Variants in GALNT10 observed in about 807,000 individuals in gnomAD.
The protein encoded by GALNT10 is GalNAc transferase 10.
Under a neutral mutation model 75.0 loss-of-function variants are expected in GALNT10, and 41 were observed. The observed-to-expected ratio is 0.55, with a 90% CI of 0.43 to 0.71. The LOEUF (loss-of-function observed/expected upper bound fraction) is 0.71. Among genes scored for constraint, GALNT10 ranks in the 30% least tolerant of loss-of-function variants. The pLI is 0.00. For missense variants in GALNT10, 727 were observed against 818.5 expected (o/e 0.89, Z 1.36); for synonymous variants, 302 against 313.0 (o/e 0.96, Z 0.37).
At chr5:154,350,555 A>AT (rs1337000857) in intron 4 of GALNT10, among the ~76,000 whole-genome samples, 4 of 152,232 alleles carry the variant, frequency 2.6e-5, no homozygotes, top group African/African-American at 9.6e-5. Context: ...GCTGCTTATC[A>AT]TACAAAAACC....
At chr5:154,265,735 G>C (rs1753766175) in intron 1 of GALNT10, among the ~76,000 whole-genome samples, 1 of 152,126 alleles carries the variant, frequency 6.6e-6, no homozygotes, top group African/African-American at 2.4e-5. Context: ...TGAGATGTCA[G>C]GAAAGCGTGA....
At chr5:154,406,811 T>G (rs1388714379) in intron 8 of GALNT10, among the ~76,000 whole-genome samples, 1 of 152,080 alleles carries the variant, frequency 6.6e-6, no homozygotes, top group Non-Finnish European at 1.5e-5. Context: ...GGAAAAAAAG[T>G]GCTCAATGTT....
intron 1 of GALNT10, among the ~76,000 whole-genome samples, chr5:154,265,211 C>A (rs1228537737): frequency 1.3e-5 from 2 of 152,178 alleles, no homozygotes; most frequent in Non-Finnish European, 2.9e-5. Context: ...TGTTCCCCTT[C>A]CCCCAGACAA....
chr5:154,301,212 T>G (rs977128855), intron 3 of GALNT10, among the ~76,000 whole-genome samples: 1 of 152,192 alleles, frequency 6.6e-6, no homozygotes, highest in East Asian at 1.9e-4. Flanking sequence ...TATCTGAAAT[T>G]TCGTGTTCCC....
chr5:154,233,849 G>A (rs540475797), intron 1 of GALNT10, among the ~76,000 whole-genome samples: 45 of 152,282 alleles, frequency 3.0e-4, no homozygotes, highest in African/African-American at 1.0e-3. Context: ...AGAGGATGTC[G>A]TGGGTTAGAA....
intron 4 of GALNT10, among the ~76,000 whole-genome samples, chr5:154,342,306 G>A (rs536254676): frequency 3.2e-4 from 49 of 152,316 alleles, no homozygotes; most frequent in African/African-American, 7.7e-4. Context: ...TCTGGTGGCC[G>A]AGAAAAATGT....
At chr5:154,212,315 A>G (rs141369459) in intron 1 of GALNT10, among the ~76,000 whole-genome samples, 39 of 152,328 alleles carry the variant, frequency 2.6e-4, no homozygotes, top group Non-Finnish European at 4.0e-4. Context: ...GTTGTCATAC[A>G]ATGGTAATGA....
chr5:154,249,469 T>C (rs1753481437), intron 1 of GALNT10, among the ~76,000 whole-genome samples: 1 of 152,106 alleles, frequency 6.6e-6, no homozygotes, highest in Admixed American at 6.6e-5. Context: ...CACTTTGAAA[T>C]GACAACAGAG....
intron 1 of GALNT10, among the ~76,000 whole-genome samples, chr5:154,223,722 C>T (rs995807500): frequency 2.0e-5 from 3 of 151,820 alleles, no homozygotes; most frequent in African/African-American, 4.8e-5. Context: ...GAATTTGACA[C>T]CAGCCTGGCC....
chr5:154,204,330 T>C (rs1002020), intron 1 of GALNT10, among the ~76,000 whole-genome samples: 67,181 of 152,088 alleles, frequency 0.44, 15,737 homozygotes, highest in East Asian at 0.78. Flanking sequence ...CCCACCAGCC[T>C]GTCACATCTC....
chr5:154,329,376 A>C (rs1488116147), intron 3 of GALNT10, 196 bp from the exon 4 acceptor site: 2 of 594,496 alleles, frequency 3.4e-6, no homozygotes, highest in African/African-American at 3.7e-5. Flanking sequence ...CGTGTGCTGT[A>C]TATGCAGAGA....
rs114668816 is a variant in GALNT10 at position 154,368,344 on chromosome 5, C to T, written c.569-7933C>T. ...AGAGATGCTCTCGCTGAGGTTCAGT[C>T]GGCTCTCTGCTTTCAATGGTGCAAG... On this transcript the variant is annotated intron_variant, in intron 4 of 11. Transcript: ENST00000297107. Among the ~76,000 whole-genome samples, 58 of 152,260 alleles carry T rather than the reference C, an allele frequency of 3.8e-4. 1 individual carries two copies. Among genetic ancestry groups the T allele is most frequent in the Non-Finnish European group, 5.7e-4 (39 of 68,008 alleles).
rs1177341612 is a variant in GALNT10, at chr5:154,415,949, G to C, written c.1653+17G>C. On this transcript the variant is annotated intron_variant, in intron 11 of 11. Coordinates refer to ENST00000297107, the MANE Select transcript of GALNT10 (RefSeq NM_198321.4). The stretch of plus-strand genomic sequence containing the variant: ...TACCGCAAAGTAAGATGGGATGCGG[G>C]GGGAGCAGGGCACCTGCTTAATTTT... 2.5e-6 allele frequency: 4 copies of C among 1,611,960 alleles called. No homozygotes were observed. The African/African-American group carries it at 5.3e-5, about 22-fold the overall frequency.
At chr5:154,334,446 G>T (rs1484715442) in intron 4 of GALNT10, among the ~76,000 whole-genome samples, 2 of 152,238 alleles carry the variant, frequency 1.3e-5, no homozygotes, top group Non-Finnish European at 2.9e-5. Flanking sequence ...GGGCGTATAG[G>T]CTGGCAGACC....
chr5:154,227,548 A>T (rs1753083471), intron 1 of GALNT10, among the ~76,000 whole-genome samples: 1 of 152,172 alleles, frequency 6.6e-6, no homozygotes, highest in Non-Finnish European at 1.5e-5. Context: ...TATATTCTAT[A>T]TACAAGTATT....
At chr5:154,371,524 C>T (rs1297304044) in intron 4 of GALNT10, among the ~76,000 whole-genome samples, 5 of 103,642 alleles carry the variant, frequency 4.8e-5, no homozygotes, top group Non-Finnish European at 1.2e-4. Context: ...GCCAGAGGCC[C>T]CAGACACACC....
chr5:154,359,407 T>A (rs1362018609), intron 4 of GALNT10, among the ~76,000 whole-genome samples: 1 of 152,010 alleles, frequency 6.6e-6, no homozygotes, highest in Admixed American at 6.6e-5. Context: ...TGACCAGACG[T>A]GCCTCCTAAA....
chr5:154,348,126 G>A (rs941126036), intron 4 of GALNT10, among the ~76,000 whole-genome samples: 2 of 152,316 alleles, frequency 1.3e-5, no homozygotes, highest in South Asian at 4.1e-4. Flanking sequence ...TAGATCAATC[G>A]TATTATTCTT....
rs1458845156 is a variant in GALNT10, at chr5:154,418,688, C to A, written c.*1716C>A. On this transcript the variant is annotated 3_prime_UTR_variant, in exon 12 of 12. Coordinates refer to ENST00000297107, the MANE Select transcript of GALNT10 (RefSeq NM_198321.4). Reference sequence around the variant, plus strand: ...AGGGACAAACACTCCCAATCATCCACCAGTCAGACTGAATGTGTAGCTGGC... The same window carrying A: ...AGGGACAAACACTCCCAATCATCCAACAGTCAGACTGAATGTGTAGCTGGC... 6.6e-6 allele frequency: 1 copy of A among 152,176 alleles called. No individual in the cohort carries two copies. The highest frequency in any genetic ancestry group is 6.5e-5 in the Admixed American group (1 of 15,286). The allele number at this position is 152,176 out of a possible 1,614,324, so 9.4% of individuals were successfully genotyped here.
Sources: allele counts gnomAD v4.1 joint callset (sites outside exome capture counted in the v4.1 genomes callset), GRCh38; gene constraint gnomAD v4.1.1; transcripts MANE v1.5; gene names NCBI Gene and HGNC (gene_info 2026-07-23, HGNC 2026-07-21).